Variants in ITGA5 observed in about 807,000 individuals in gnomAD.
ITGA5 encodes integrin alpha-5.
Under a neutral mutation model 146.3 loss-of-function variants are expected in ITGA5, and 55 were observed. The observed-to-expected ratio is 0.38, with a 90% CI of 0.30 to 0.47. ITGA5 has a LOEUF of 0.47. Ranked by LOEUF, ITGA5 falls within the 20% of genes least tolerant of loss-of-function variation. The pLI, the probability that ITGA5 is intolerant of heterozygous loss-of-function variation, is 0.99. For synonymous variants in ITGA5, 500 were observed against 531.8 expected (o/e 0.94, Z 0.82); for missense variants, 1,131 against 1,329.0 (o/e 0.85, Z 2.32).
At chr12:54,408,610 C>A in intron 6 of ITGA5, 146 bp downstream of exon 6, 3 of 757,838 alleles carry the variant, frequency 4.0e-6, no homozygotes, top group Non-Finnish European at 4.2e-6. Context: ...CCTGTAATCC[C>A]AGCTACTTGG....
At chr12:54,405,550 G>T in intron 11 of ITGA5, 114 bp downstream of exon 11, 1 of 1,089,762 alleles carries the variant, frequency 9.2e-7, no homozygotes, top group Non-Finnish European at 1.4e-6. Context: ...AGGTATGAGC[G>T]AGAGTCTAGA....
intron 1 of ITGA5, among the ~76,000 whole-genome samples, chr12:54,415,419 G>T (rs1209999511): frequency 6.6e-6 from 1 of 152,132 alleles, no homozygotes; most frequent in African/African-American, 2.4e-5. Flanking sequence ...GCCTCGTTCT[G>T]ACACTCCCTA....
At position 54,409,837 on chromosome 12, in the gene ITGA5, C is replaced by T. The variant is rs1178844870; in HGVS notation, c.350-240G>A. 3.5e-5 allele frequency: 14 copies of T among 404,344 alleles called. No homozygotes were observed. The highest frequency in any genetic ancestry group is 1.7e-4 in the South Asian group (5 of 29,542). The allele number at this position is 404,344 out of a possible 1,614,324, so 25.0% of individuals were successfully genotyped here. On this transcript the variant is annotated intron_variant, in intron 2 of 29. Coordinates refer to ENST00000293379, the MANE Select transcript of ITGA5 (RefSeq NM_002205.5). This position sits in a 1 kb window ranked among gnomAD's most constrained non-coding sequence, Gnocchi z 4.7. ...ACACACACACATACATACACACGCA[C>T]GCACACGCACACAGAACCTGGGCTT...
In ITGA5 at chr12:54,405,390, A is replaced by T. The variant is rs543431970; in HGVS notation, c.1017-16T>A. ...GTCATCCAGCCTGAGGGGAAGGGCA[A>T]ACCCAGGCATCTCGATACCCTGTCT... On this transcript the variant is annotated splice_polypyrimidine_tract_variant and intron_variant, in intron 11 of 29. Coordinates refer to ENST00000293379, the MANE Select transcript of ITGA5 (RefSeq NM_002205.5). The T allele has an allele frequency of 1.9e-6, 3 of 1,581,490 alleles. No individual in the cohort carries two copies. The East Asian group carries it at 6.8e-5, about 36-fold the overall frequency.
chr12:54,415,352 A>G (rs1955993577), intron 1 of ITGA5, among the ~76,000 whole-genome samples: 1 of 152,132 alleles, frequency 6.6e-6, no homozygotes, highest in Admixed American at 6.5e-5. Context: ...GAGAGCATCC[A>G]CTGGTTTTAA....
At chr12:54,396,455 G>A in intron 29 of ITGA5, 79 bp from the exon 30 acceptor site, 1 of 1,200,060 alleles carries the variant, frequency 8.3e-7, no homozygotes, top group Non-Finnish European at 1.2e-6. Context: ...GAAGTAATAA[G>A]GAGGACTCTA....
chr12:54,403,355 A>G lies in ITGA5; in HGVS notation c.1777-31T>C. ...GCCAGAGGAGAGAGTTCACGGAGTC[A>G]GGGGACTCTGGAGACTTAGTGGCCC... On this transcript the variant is annotated intron_variant, in intron 17 of 29. Coordinates refer to ENST00000293379, the MANE Select transcript of ITGA5 (RefSeq NM_002205.5). This position sits in a 1 kb window ranked among gnomAD's most constrained non-coding sequence, Gnocchi z 4.9. 6.7e-7 allele frequency: 1 copy of G among 1,502,814 alleles called. No individual in the cohort carries two copies. The highest frequency in any genetic ancestry group is 8.9e-7 in the Non-Finnish European group (1 of 1,125,706). 93.1% of individuals were successfully genotyped at this position (1,502,814 alleles called of 1,614,324 possible). A position where few individuals can be genotyped will look rare whatever the true frequency, so the allele number is the denominator to read the frequency against.
In ITGA5 at chr12:54,408,963, G is replaced by T; in HGVS notation, c.584-9C>A. 6.2e-7 allele frequency: 1 copy of T among 1,613,852 alleles called. No individual in the cohort carries two copies. Among genetic ancestry groups the T allele is most frequent in the South Asian group, 1.1e-5 (1 of 91,068 alleles). On this transcript the variant is annotated splice_polypyrimidine_tract_variant and intron_variant, in intron 4 of 29. Transcript: ENST00000293379. ...TGCTGCCCAGCTGAAATCTGTGAGG[G>T]GAGAAGGTGGTGAAAATGAGCCCTG...
At chr12:54,397,947 G>C (rs1955733392) in intron 28 of ITGA5, among the ~76,000 whole-genome samples, 1 of 151,302 alleles carries the variant, frequency 6.6e-6, no homozygotes, top group Non-Finnish European at 1.5e-5. Flanking sequence ...ACTCAGGCTG[G>C]AGTGCAGTGG....
In ITGA5 at chr12:54,409,637, A is replaced by G; in HGVS notation, c.350-40T>C. 1 of 1,418,868 alleles carries G rather than the reference A, an allele frequency of 7.0e-7. No homozygotes were observed. The highest frequency in any genetic ancestry group is 9.8e-7 in the Non-Finnish European group (1 of 1,016,144). 87.9% of individuals were successfully genotyped at this position (1,418,868 alleles called of 1,614,324 possible). ...AAGGGGGAGTCTTACTGAGCCATGGACATTTGAGCTCTAGGGCAGCCCCTA... is the reference window on the plus strand; with the variant it reads ...AAGGGGGAGTCTTACTGAGCCATGGGCATTTGAGCTCTAGGGCAGCCCCTA... On this transcript the variant is annotated intron_variant, in intron 2 of 29. Transcript: ENST00000293379. The surrounding 1 kb of genome is among the most constrained non-coding windows in gnomAD (Gnocchi z 4.7).
At chr12:54,400,146 C>T (rs1955769507) in intron 25 of ITGA5, 199 bp from the exon 26 acceptor site, 1 of 577,652 alleles carries the variant, frequency 1.7e-6, no homozygotes. Context: ...TTGGAGATCA[C>T]ACTGGAGGAG....
chr12:54,401,435 G>T lies in ITGA5; in HGVS notation c.2431C>A (p.His811Asn). 6.2e-7 allele frequency: 1 copy of T among 1,614,116 alleles called. No individual in the cohort carries two copies. The highest frequency in any genetic ancestry group is 8.5e-7 in the Non-Finnish European group (1 of 1,179,988). Residue 811 changes from histidine (H) to asparagine (N), a missense_variant, in exon 24 of 30, where the codon CAT (histidine) becomes AAT (asparagine). His to Asn is a moderately conservative substitution (Grantham distance 68). Coordinates refer to ENST00000293379, the MANE Select transcript of ITGA5 (RefSeq NM_002205.5). This position sits in a 1 kb window ranked among gnomAD's most constrained non-coding sequence, Gnocchi z 5.0. ...EAVLFPVSDWHPRDQPQKEED... is the reference protein window; with the variant it reads ...EAVLFPVSDWNPRDQPQKEED... ...TCCTTCTGAGGCTGGTCTCGGGGAT[G>T]CCAGTCGCTTACTGGGAATAGCACT...
chr12:54,398,623 G>A lies in ITGA5; in HGVS notation c.2917C>T (p.Arg973Trp), dbSNP rs766127225. ...ALKMPYRILP[R>W]QLPQKERQVA... ...TGACGCTCTTTTTGGGGCAGCTGCC[G>A]AGGCAGGATTCGGTAGGGCATCTTC... is the stretch of plus-strand genomic sequence containing the variant. Residue 973 changes from arginine (R) to tryptophan (W), a missense_variant, in exon 28 of 30, where the codon CGG (arginine) becomes TGG (tryptophan). Coordinates refer to ENST00000293379, the MANE Select transcript of ITGA5 (RefSeq NM_002205.5). 72 of 1,611,062 alleles carry A rather than the reference G, an allele frequency of 4.5e-5. No homozygotes were observed. Among genetic ancestry groups the A allele is most frequent in the Non-Finnish European group, 5.7e-5 (67 of 1,178,820 alleles).
In ITGA5 at chr12:54,395,710, TCTGGGCC is replaced by T. The variant is rs140167245; in HGVS notation, c.*576_*582del. On this transcript the variant is annotated 3_prime_UTR_variant, in exon 30 of 30. Coordinates refer to ENST00000293379, the MANE Select transcript of ITGA5 (RefSeq NM_002205.5). Reference sequence around the variant, plus strand: ...GTTCTGATTCCCCTTGGAGCTGGGCTCTGGGCCCTGGGCCAGCATCTATCCTTGTGTG... The same window carrying T: ...GTTCTGATTCCCCTTGGAGCTGGGCTCTGGGCCAGCATCTATCCTTGTGTG... 0.022 allele frequency: 3,386 copies of T among 153,216 alleles called. 88 individuals carry two copies. Among genetic ancestry groups the T allele is most frequent in the South Asian group, 0.088 (425 of 4,844 alleles). 9.5% of individuals were successfully genotyped at this position (153,216 alleles called of 1,614,324 possible). A position where few individuals can be genotyped will look rare whatever the true frequency, so the allele number is the denominator to read the frequency against.
chr12:54,417,036 C>T (rs1293557950), intron 1 of ITGA5, among the ~76,000 whole-genome samples: 1 of 151,856 alleles, frequency 6.6e-6, no homozygotes, highest in Non-Finnish European at 1.5e-5. Flanking sequence ...GAATGTTCCA[C>T]TGTAAGAGGG....
At position 54,407,650 on chromosome 12, in the gene ITGA5, T is replaced by G. The variant is rs557409701; in HGVS notation, c.905A>C (p.Tyr302Ser). The change falls in exon 9 of 30, where the codon TAT (tyrosine) becomes TCT (serine). Residue 302 changes from tyrosine (Y) to serine (S), a missense_variant and splice_region_variant. Tyr to Ser is a moderately radical substitution (Grantham distance 144). Around this residue, in one of 3 missense-constraint regions of ITGA5, gnomAD observed 889 missense variants for 1,021.5 expected, o/e 0.87. Coordinates refer to ENST00000293379, the MANE Select transcript of ITGA5 (RefSeq NM_002205.5). ...GTGAGGGGTCAGGCTGGGTCTTACA[T>G]AGCCGTAAGTGAGGTTCCCTTTGGG... ...GVPKGNLTYG[Y>S]VTILNGSDIR... The G allele has an allele frequency of 6.2e-7, 1 of 1,612,636 alleles. No homozygotes were observed. The highest frequency in any genetic ancestry group is 8.5e-7 in the Non-Finnish European group (1 of 1,178,656).
intron 29 of ITGA5, 164 bp downstream of exon 29, chr12:54,397,201 G>T (rs202019969): frequency 1.6e-5 from 10 of 633,382 alleles, no homozygotes; most frequent in South Asian, 2.2e-5. Context: ...TAGAATGAAG[G>T]GGGGGATCTT....
chr12:54,418,901 T>TC, intron 1 of ITGA5, 80 bp downstream of exon 1: 3 of 1,493,240 alleles, frequency 2.0e-6, no homozygotes, highest in Non-Finnish European at 2.7e-6. Flanking sequence ...TAAGCCCTGG[T>TC]CCCCTCCAGA....
At position 54,401,293 on chromosome 12, in the gene ITGA5, C is replaced by T. The variant is rs1955780887; in HGVS notation, c.2493+80G>A. ...CTCCTCTCTTTCTCTCAGTCCCTCA[C>T]ATGGGTTCCAGCCATCTGTCACTCA... is the stretch of plus-strand genomic sequence containing the variant. On this transcript the variant is annotated intron_variant, in intron 24 of 29. Coordinates refer to ENST00000293379, the MANE Select transcript of ITGA5 (RefSeq NM_002205.5). This position sits in a 1 kb window ranked among gnomAD's most constrained non-coding sequence, Gnocchi z 5.0. 2 of 1,062,910 alleles carry T rather than the reference C, an allele frequency of 1.9e-6. No individual in the cohort carries two copies. Among genetic ancestry groups the T allele is most frequent in the Non-Finnish European group, 2.9e-6 (2 of 681,878 alleles). 65.8% of individuals were successfully genotyped at this position (1,062,910 alleles called of 1,614,324 possible).
Sources: allele counts gnomAD v4.1 joint callset (sites outside exome capture counted in the v4.1 genomes callset), GRCh38; gene constraint gnomAD v4.1.1; regional missense constraint gnomAD v4.1.1; non-coding constraint Gnocchi (gnomAD v3.1); transcripts MANE v1.5; gene names NCBI Gene and HGNC (gene_info 2026-07-23, HGNC 2026-07-21).